CDH23: variants seen among roughly 807,000 people sequenced by gnomAD.
CDH23 encodes cadherin-23.
Under a neutral mutation model 317.1 loss-of-function variants are expected in CDH23, and 189 were observed. That is an observed-to-expected ratio of 0.60 (90% CI 0.53 to 0.67). The LOEUF (loss-of-function observed/expected upper bound fraction) is 0.67, where lower values mean the gene tolerates loss of function less well. Among genes scored for constraint, CDH23 ranks in the 30% least tolerant of loss-of-function variants. CDH23 has a pLI of 0.00. For missense variants in CDH23, 4,401 were observed against 4,592.4 expected (o/e 0.96, Z 1.20); for synonymous variants, 1,839 against 1,876.8 (o/e 0.98, Z 0.52).
At chr10:71,478,349 T>C (rs1851896818) in intron 3 of CDH23, among the ~76,000 whole-genome samples, 1 of 152,202 alleles carries the variant, frequency 6.6e-6, no homozygotes, top group East Asian at 1.9e-4. Context: ...CATGCAACCT[T>C]ACACCTCAGG....
intron 9 of CDH23, among the ~76,000 whole-genome samples, chr10:71,607,583 C>G (rs896993232): frequency 1.3e-5 from 2 of 152,194 alleles, no homozygotes; most frequent in Non-Finnish European, 2.9e-5. Flanking sequence ...ACAGCTGGGA[C>G]TAGCTTGCTC....
chr10:71,503,622 G>A (rs76698081), intron 3 of CDH23, among the ~76,000 whole-genome samples: 2,607 of 152,266 alleles, frequency 0.017, 61 homozygotes, highest in African/African-American at 0.054. Context: ...ATGGGCAGGG[G>A]GTTGGGGTAG....
rs763957277 is a variant in CDH23 at position 71,687,701 on chromosome 10, G to A, written c.2041G>A (p.Val681Met). Residue 681 changes from valine to methionine, a missense_variant, in exon 19 of 70, where the codon GTG becomes ATG. Physicochemically the swap from Val to Met is conservative, Grantham distance 21 (BLOSUM62 1). This residue lies in a region of CDH23 where 3,068 missense variants were observed against 3,203.3 expected (regional missense o/e 0.96). Transcript: ENST00000224721. Reference protein sequence around the residue: ...FSKPAYFVSVVENIMAGATVL... With the variant: ...FSKPAYFVSVMENIMAGATVL... Reference sequence around the variant, plus strand: ...CAAGCCCGCCTACTTCGTCTCCGTGGTGGAGAACATCATGGCAGGTACAGG... The same window carrying A: ...CAAGCCCGCCTACTTCGTCTCCGTGATGGAGAACATCATGGCAGGTACAGG... 1 of 1,613,846 alleles carries A rather than the reference G, an allele frequency of 6.2e-7. No homozygotes were observed. The highest frequency in any genetic ancestry group is 8.5e-7 in the Non-Finnish European group (1 of 1,179,864).
chr10:71,398,352 T>C (rs1233778660), intron 1 of CDH23, among the ~76,000 whole-genome samples: 1 of 152,076 alleles, frequency 6.6e-6, no homozygotes, highest in Non-Finnish European at 1.5e-5. Flanking sequence ...GGCATTGACA[T>C]TGACCTCGCC....
intron 46 of CDH23, chr10:71,790,815 G>C: frequency 2.1e-6 from 1 of 483,266 alleles, no homozygotes; most frequent in Non-Finnish European, 3.8e-6. Flanking sequence ...TTGGTGACAG[G>C]TGCCGACAGG....
intron 9 of CDH23, among the ~76,000 whole-genome samples, chr10:71,607,626 G>T (rs1363804297): frequency 6.6e-6 from 1 of 152,238 alleles, no homozygotes; most frequent in Non-Finnish European, 1.5e-5. Context: ...GGTATGGCCA[G>T]GTGTGGTGGC....
chr10:71,588,649 C>T (rs549163451), intron 9 of CDH23, among the ~76,000 whole-genome samples: 3 of 152,268 alleles, frequency 2.0e-5, no homozygotes, highest in Non-Finnish European at 4.4e-5. Flanking sequence ...GGCCTTCCTC[C>T]ATGTCTGTAT....
chr10:71,449,766 TC>T (rs2132032003), intron 3 of CDH23, among the ~76,000 whole-genome samples: 1 of 152,330 alleles, frequency 6.6e-6, no homozygotes, highest in African/African-American at 2.4e-5. Context: ...CTGAGCCTTC[TC>T]GTTTTGTATG....
intron 22 of CDH23, among the ~76,000 whole-genome samples, chr10:71,697,122 T>C (rs955445776): frequency 6.6e-6 from 1 of 152,228 alleles, no homozygotes; most frequent in African/African-American, 2.4e-5. Context: ...CGTTATCAAA[T>C]AGTACACCCG....
intron 6 of CDH23, among the ~76,000 whole-genome samples, chr10:71,543,921 C>T (rs1274675323): frequency 6.6e-6 from 1 of 151,914 alleles, no homozygotes; most frequent in African/African-American, 2.4e-5. Context: ...AGAGAGTGCC[C>T]CAATTTGTAA....
In CDH23 at chr10:71,510,082, G is replaced by C; in HGVS notation, c.146G>C (p.Gly49Ala). ...CTGCTCTCTCCCTTGGCTACTCCAGGTTCTTCTGTGACCCAGTTGCTGGCC... is the reference window on the plus strand; with the variant it reads ...CTGCTCTCTCCCTTGGCTACTCCAGCTTCTTCTGTGACCCAGTTGCTGGCC... ...YLLISEDTPV[G>A]SSVTQLLAQD... The change falls in exon 4 of 70, where the codon GGT becomes GCT. Residue 49 changes from glycine to alanine, a missense_variant and splice_region_variant. Physicochemically the swap from Gly to Ala is moderately conservative, Grantham distance 60. Around this residue, in one of 3 missense-constraint regions of CDH23, gnomAD observed 3,068 missense variants for 3,203.3 expected, o/e 0.96. Coordinates refer to ENST00000224721, the MANE Select transcript of CDH23 (RefSeq NM_022124.6). 1 of 1,614,026 alleles carries C rather than the reference G, an allele frequency of 6.2e-7. No individual in the cohort carries two copies. The highest frequency in any genetic ancestry group is 8.5e-7 in the Non-Finnish European group (1 of 1,179,896).
At chr10:71,696,285 C>G (rs1320998147) in intron 22 of CDH23, among the ~76,000 whole-genome samples, 2 of 152,224 alleles carry the variant, frequency 1.3e-5, no homozygotes, top group Admixed American at 1.3e-4. Context: ...TGAACATCCC[C>G]ACTGCCACCC....
At chr10:71,626,048 T>C (rs974013669) in intron 11 of CDH23, among the ~76,000 whole-genome samples, 10 of 152,232 alleles carry the variant, frequency 6.6e-5, no homozygotes, top group Admixed American at 1.3e-4. Context: ...AATTACAGCA[T>C]GTATGAGACT....
Position 71,784,378 on chromosome 10 carries a change from C to T in CDH23, c.5460C>T (p.Thr1820=), listed in dbSNP as rs1258518537. The part of the protein sequence containing the change: ...DRETIAFYNL[T]ICARDRGMPP... Reference sequence around the variant, plus strand: ...AGACCATCGCCTTCTACAACCTGACCATCTGTGCCCGTGACCGGGGGATGC... The same window carrying T: ...AGACCATCGCCTTCTACAACCTGACTATCTGTGCCCGTGACCGGGGGATGC... The change falls in exon 42 of 70, where the codon ACC becomes ACT. Residue 1820 remains threonine (T), a synonymous_variant. Coordinates refer to ENST00000224721, the MANE Select transcript of CDH23 (RefSeq NM_022124.6). 1 of 1,613,906 alleles carries T rather than the reference C, an allele frequency of 6.2e-7. No individual in the cohort carries two copies. The highest frequency in any genetic ancestry group is 8.5e-7 in the Non-Finnish European group (1 of 1,179,804).
At chr10:71,414,648 GA>G (rs1379453544) in intron 1 of CDH23, among the ~76,000 whole-genome samples, 1 of 32,064 alleles carries the variant, frequency 3.1e-5, no homozygotes, top group African/African-American at 3.1e-4. Flanking sequence ...GTGTTCATGT[GA>G]TTTTTTTCTT....
intron 3 of CDH23, among the ~76,000 whole-genome samples, chr10:71,497,306 G>A (rs1457667277): frequency 6.6e-6 from 1 of 151,580 alleles, no homozygotes; most frequent in Non-Finnish European, 1.5e-5. Context: ...TTCAGGAGAG[G>A]GGAAAAAAAA....
chr10:71,694,333 A>AC (rs1865295149), intron 21 of CDH23, 74 bp downstream of exon 21: 1 of 1,165,850 alleles, frequency 8.6e-7, no homozygotes, highest in South Asian at 1.3e-5. Context: ...GTACCTCTGG[A>AC]CCCCCGTGTC....
At chr10:71,565,840 T>C (rs1005972576) in intron 6 of CDH23, among the ~76,000 whole-genome samples, 1 of 152,178 alleles carries the variant, frequency 6.6e-6, no homozygotes, top group East Asian at 1.9e-4. Flanking sequence ...TTCCAACAAA[T>C]GGTCTGTCCA....
At chr10:71,753,173 C>T (rs1840049598) in intron 38 of CDH23, among the ~76,000 whole-genome samples, 1 of 152,198 alleles carries the variant, frequency 6.6e-6, no homozygotes, top group South Asian at 2.1e-4. Flanking sequence ...AAGCGATCTG[C>T]GTGTCTGTCC....
Sources: allele counts gnomAD v4.1 joint callset (sites outside exome capture counted in the v4.1 genomes callset), GRCh38; gene constraint gnomAD v4.1.1; regional missense constraint gnomAD v4.1.1; transcripts MANE v1.5; gene names NCBI Gene and HGNC (gene_info 2026-07-23, HGNC 2026-07-21).